Variants in DPP6 observed in about 807,000 individuals in gnomAD.
DPP6 encodes the protein dipeptidyl peptidase like 6.
A neutral mutation model predicts 122.6 loss-of-function variants in DPP6; 69 were observed. The ratio of observed to expected loss-of-function variants is 0.56; its 90% confidence interval spans 0.46 to 0.69. DPP6 has a LOEUF of 0.69. Ranked by LOEUF, DPP6 falls within the 30% of genes least tolerant of loss-of-function variation. The probability of loss-of-function intolerance (pLI) is 0.00; values close to 1 mark genes in which losing one functional copy is unlikely to be tolerated. For synonymous variants in DPP6, 418 were observed against 433.1 expected (o/e 0.97, Z 0.43); for missense variants, 928 against 1,116.9 (o/e 0.83, Z 2.41).
chr7:154,035,601 C>G (rs1439599598), intron 1 of DPP6, among the ~76,000 whole-genome samples: 3 of 151,984 alleles, frequency 2.0e-5, no homozygotes, highest in Non-Finnish European at 2.9e-5. Context: ...ATCCATCTCT[C>G]TTTATTGATA....
chr7:154,414,526 A>ATC (rs1005725752), intron 1 of DPP6, among the ~76,000 whole-genome samples: 5 of 151,954 alleles, frequency 3.3e-5, no homozygotes, highest in African/African-American at 7.3e-5. Flanking sequence ...TCTTTTTATC[A>ATC]TCTCTCTCTC....
intron 1 of DPP6, among the ~76,000 whole-genome samples, chr7:154,198,386 A>G (rs529739983): frequency 1.2e-3 from 180 of 151,998 alleles, no homozygotes; most frequent in African/African-American, 4.1e-3. Flanking sequence ...ATCTCTACTC[A>G]CTGCAACCTC....
rs138652952 is a variant in DPP6 at position 153,960,504 on chromosome 7, G to A, written c.51+72770G>A. On this transcript the variant is annotated intron_variant, in intron 1 of 25. Transcript: ENST00000404039. ...AAGATTAGGGATGGTTGATATGTGA[G>A]GGAAGGTGAAAGCTGGAAAGAGTGA... 2.2e-3 allele frequency among the ~76,000 whole-genome samples: 331 copies of A among 151,736 alleles called. 8 individuals are homozygous for A. Among genetic ancestry groups the A allele is most frequent in the Admixed American group, 0.02 (311 of 15,216 alleles).
intron 1 of DPP6, chr7:154,093,818 C>T (rs1805106345): frequency 6.6e-6 from 1 of 152,042 alleles, no homozygotes; most frequent in Admixed American, 6.6e-5. Flanking sequence ...TGGGATGAGC[C>T]ACAGCATGGC....
At chr7:154,420,285 G>T (rs762862576) in intron 1 of DPP6, among the ~76,000 whole-genome samples, 48 of 152,192 alleles carry the variant, frequency 3.2e-4, no homozygotes, top group Non-Finnish European at 5.7e-4. Flanking sequence ...GTAGTCAGCC[G>T]AGATGGAGCC....
intron 7 of DPP6, among the ~76,000 whole-genome samples, chr7:154,719,834 C>T (rs896845635): frequency 2.0e-5 from 3 of 152,204 alleles, no homozygotes; most frequent in African/African-American, 7.2e-5. Context: ...ATTGTCATTG[C>T]TCTGAAAAGA....
At chr7:154,019,609 G>T (rs941231304) in intron 1 of DPP6, among the ~76,000 whole-genome samples, 1 of 152,144 alleles carries the variant, frequency 6.6e-6, no homozygotes, top group African/African-American at 2.4e-5. Flanking sequence ...GAAGCAAGGA[G>T]CACATACAAA....
At chr7:153,939,381 A>G (rs1801598141) in intron 1 of DPP6, among the ~76,000 whole-genome samples, 1 of 152,244 alleles carries the variant, frequency 6.6e-6, no homozygotes, top group Non-Finnish European at 1.5e-5. Context: ...TCTGTGCCAC[A>G]GTTGGGAGCA....
intron 1 of DPP6, among the ~76,000 whole-genome samples, chr7:154,228,458 T>C (rs977062428): frequency 2.0e-5 from 3 of 152,184 alleles, no homozygotes; most frequent in Admixed American, 6.5e-5. Context: ...TTCAAATAGG[T>C]CATTATTTTA....
At chr7:154,616,711 A>G (rs1834282657) in intron 5 of DPP6, among the ~76,000 whole-genome samples, 1 of 152,224 alleles carries the variant, frequency 6.6e-6, no homozygotes, top group Admixed American at 6.5e-5. Context: ...AAATAAGAGA[A>G]GAAAAGCAGC....
intron 1 of DPP6, among the ~76,000 whole-genome samples, chr7:154,289,606 G>T (rs1192146334): frequency 6.6e-6 from 1 of 152,292 alleles, no homozygotes; most frequent in African/African-American, 2.4e-5. Context: ...AACCCAGTGT[G>T]GGACAAAATG....
chr7:154,064,628 A>G (rs3969613), intron 1 of DPP6, among the ~76,000 whole-genome samples: 2 of 151,888 alleles, frequency 1.3e-5, no homozygotes, highest in African/African-American at 4.8e-5. Flanking sequence ...AACTCTTTCT[A>G]TCTGTGTCCC....
chr7:154,644,860 C>T (rs554339300), intron 6 of DPP6, among the ~76,000 whole-genome samples: 85 of 151,988 alleles, frequency 5.6e-4, no homozygotes, highest in African/African-American at 1.9e-3. Context: ...AGGTGCACAC[C>T]GCCATGCCTG....
At chr7:154,740,335 G>A (rs1035525428) in intron 8 of DPP6, among the ~76,000 whole-genome samples, 3 of 151,178 alleles carry the variant, frequency 2.0e-5, no homozygotes, top group African/African-American at 7.3e-5. Context: ...GTCACCTAAG[G>A]ACATTAGACC....
chr7:154,795,643 C>T (rs1242665518), intron 11 of DPP6, among the ~76,000 whole-genome samples: 9 of 152,106 alleles, frequency 5.9e-5, no homozygotes, highest in Admixed American at 3.9e-4. Context: ...TGTTTGGCTC[C>T]GAGCCACGCA....
intron 1 of DPP6, among the ~76,000 whole-genome samples, chr7:154,349,046 A>T (rs1435774080): frequency 6.6e-6 from 1 of 152,264 alleles, no homozygotes; most frequent in South Asian, 2.1e-4. Context: ...TGGGCAGAGG[A>T]TGGGAGCACA....
At chr7:154,842,468 G>A (rs1415104719) in intron 16 of DPP6, among the ~76,000 whole-genome samples, 1 of 152,150 alleles carries the variant, frequency 6.6e-6, no homozygotes, top group African/African-American at 2.4e-5. Flanking sequence ...CAGTTGAGCA[G>A]GTGAAAACTA....
chr7:153,843,862 C>T, the DPP6 span, among the ~76,000 whole-genome samples: 1 of 152,130 alleles, frequency 6.6e-6, no homozygotes, highest in East Asian at 1.9e-4. Context: ...GGACGTGAAG[C>T]TAGACAACCG....
chr7:153,977,681 A>G (rs1160596651), intron 1 of DPP6, among the ~76,000 whole-genome samples: 3 of 151,896 alleles, frequency 2.0e-5, no homozygotes, highest in Non-Finnish European at 1.5e-5. Context: ...TACATTAGGT[A>G]TTTCTCCTAA....
Sources: gnomAD v4.1 joint callset for allele counts (sites outside exome capture counted in the v4.1 genomes callset) on GRCh38, gnomAD v4.1.1 for gene constraint, MANE v1.5 for transcripts, NCBI Gene and HGNC (gene_info 2026-07-23, HGNC 2026-07-21) for gene names.